The following GMDS variants were observed in gnomAD, a reference collection of about 807,000 sequenced individuals.
GMDS encodes the protein GDP-mannose 4,6 dehydratase.
In GMDS, 20 loss-of-function variants were observed where a neutral mutation model predicts 49.9. The observed-to-expected ratio is 0.40, with a 90% CI of 0.28 to 0.58. GMDS has a LOEUF of 0.58. Ranked by LOEUF, GMDS falls within the 20% of genes least tolerant of loss-of-function variation. GMDS has a pLI of 0.42. For synonymous variants in GMDS, 177 were observed against 178.6 expected (o/e 0.99, Z 0.07); for missense variants, 362 against 481.4 (o/e 0.75, Z 2.32).
rs376068121 is a variant in GMDS at position 2,076,147 on chromosome 6, T to C, written c.345+39624A>G. The stretch of plus-strand genomic sequence containing the variant: ...GTCTGAGTTCTTTGTAGATTCTGGA[T>C]ATTAGCCCTTTGTCAGATGCGTAGA... On this transcript the variant is annotated intron_variant, in intron 4 of 10. Coordinates refer to ENST00000380815, the MANE Select transcript of GMDS (RefSeq NM_001500.4). Among the ~76,000 whole-genome samples the C allele has an allele frequency of 3.0e-4, 45 of 152,344 alleles. 1 individual carries two copies. In the South Asian group the frequency reaches 7.7e-3, roughly 26 times the overall value.
At chr6:2,173,580 T>A (rs1778126442) in intron 1 of GMDS, among the ~76,000 whole-genome samples, 1 of 152,232 alleles carries the variant, frequency 6.6e-6, no homozygotes, top group Non-Finnish European at 1.5e-5. Context: ...TGAGTGGGCA[T>A]AAATTGAAGT....
intron 9 of GMDS, among the ~76,000 whole-genome samples, chr6:1,680,392 G>T (rs1456749412): frequency 6.6e-6 from 1 of 152,180 alleles, no homozygotes; most frequent in Non-Finnish European, 1.5e-5. Context: ...ACCCCTATCA[G>T]AATTTAAATG....
intron 1 of GMDS, among the ~76,000 whole-genome samples, chr6:2,204,341 A>AGTAGTAATTTCT (rs1779689157): frequency 6.6e-6 from 1 of 152,194 alleles, no homozygotes. Context: ...GCAACAATTA[A>AGTAGTAATTTCT]ATAGCAATGA....
At position 2,065,208 on chromosome 6, in the gene GMDS, G is replaced by C. The variant is rs571056893; in HGVS notation, c.345+50563C>G. On this transcript the variant is annotated intron_variant, in intron 4 of 10. Transcript: ENST00000380815. The stretch of plus-strand genomic sequence containing the variant: ...GGTACTCCAACAGACCTGCAGCTGA[G>C]GGTCCTGTCTGTTAGAGGGAAAACT... Among the ~76,000 whole-genome samples, 64 of 152,234 alleles carry C rather than the reference G, an allele frequency of 4.2e-4. No homozygotes were observed. In the South Asian group the frequency reaches 0.012, roughly 30 times the overall value.
intron 4 of GMDS, among the ~76,000 whole-genome samples, chr6:2,100,486 CAACT>C (rs1204053965): frequency 2.0e-5 from 3 of 151,930 alleles, no homozygotes; most frequent in Non-Finnish European, 4.4e-5. Flanking sequence ...TATATGCAAC[CAACT>C]ATTTTATTTT....
chr6:1,789,670 G>A (rs904934471), intron 7 of GMDS, among the ~76,000 whole-genome samples: 1 of 148,518 alleles, frequency 6.7e-6, no homozygotes, highest in Non-Finnish European at 1.5e-5. Context: ...CTAGTAGCTG[G>A]GACTACAGGT....
chr6:1,707,008 C>A (rs1365463127), intron 9 of GMDS, among the ~76,000 whole-genome samples: 1 of 152,184 alleles, frequency 6.6e-6, no homozygotes, highest in Non-Finnish European at 1.5e-5. Flanking sequence ...TGGTTCCTAA[C>A]TTATAGCCTT....
chr6:1,673,169 T>C (rs1764481528), intron 9 of GMDS, among the ~76,000 whole-genome samples: 1 of 152,192 alleles, frequency 6.6e-6, no homozygotes, highest in Non-Finnish European at 1.5e-5. Flanking sequence ...CTCTGTTTTC[T>C]AGTATCTCAG....
In GMDS at chr6:2,209,155, T is replaced by C. The variant is rs570131339; in HGVS notation, c.102+36166A>G. 6.9e-4 allele frequency among the ~76,000 whole-genome samples: 105 copies of C among 152,308 alleles called. 2 individuals are homozygous for C. Among genetic ancestry groups the C allele is most frequent in the African/African-American group, 2.5e-3 (102 of 41,572 alleles). On this transcript the variant is annotated intron_variant, in intron 1 of 10. Transcript: ENST00000380815. ...ATAATCAGACTTCTTATAACATCTT[T>C]TGAGATTACTTCCTAACTATTCTGG...
intron 7 of GMDS, among the ~76,000 whole-genome samples, chr6:1,821,620 T>TG (rs1484746965): frequency 2.5e-5 from 1 of 40,400 alleles, no homozygotes; most frequent in Non-Finnish European, 5.7e-5. Flanking sequence ...TGTTTTTTTT[T>TG]TTTTTTTTTT....
chr6:2,177,199 G>A (rs1032438373), intron 1 of GMDS, among the ~76,000 whole-genome samples: 2 of 152,128 alleles, frequency 1.3e-5, no homozygotes, highest in African/African-American at 2.4e-5. Flanking sequence ...CCTAAGGGCA[G>A]ACTTAATCTC....
At chr6:1,713,112 C>T (rs1375230791) in intron 9 of GMDS, among the ~76,000 whole-genome samples, 1 of 152,202 alleles carries the variant, frequency 6.6e-6, no homozygotes, top group East Asian at 1.9e-4. Context: ...GTGGTAGATC[C>T]ATAGTGGCCA....
At chr6:2,092,424 G>C (rs564634448) in intron 4 of GMDS, among the ~76,000 whole-genome samples, 1 of 152,078 alleles carries the variant, frequency 6.6e-6, no homozygotes, top group East Asian at 1.9e-4. Context: ...CCTCATCCCA[G>C]CTTATGCAGC....
At chr6:1,771,258 T>C (rs1385724719) in intron 7 of GMDS, among the ~76,000 whole-genome samples, 1 of 152,168 alleles carries the variant, frequency 6.6e-6, no homozygotes, top group East Asian at 1.9e-4. Context: ...ATGGCTGTGC[T>C]GGGGGTTTCT....
intron 4 of GMDS, among the ~76,000 whole-genome samples, chr6:2,088,307 T>C (rs529660104): frequency 6.6e-6 from 1 of 152,270 alleles, no homozygotes; most frequent in East Asian, 1.9e-4. Flanking sequence ...AGTGATTCGT[T>C]TGCAAAAAGA....
At chr6:1,730,300 G>C (rs959806838) in intron 8 of GMDS, among the ~76,000 whole-genome samples, 1 of 152,224 alleles carries the variant, frequency 6.6e-6, no homozygotes, top group African/African-American at 2.4e-5. Context: ...AAGAGGGCAG[G>C]AAAGAGATGT....
intron 7 of GMDS, among the ~76,000 whole-genome samples, chr6:1,830,511 G>A (rs1448565944): frequency 6.6e-6 from 1 of 152,184 alleles, no homozygotes; most frequent in Non-Finnish European, 1.5e-5. Flanking sequence ...ATATAGTACA[G>A]GGGTTCAATG....
chr6:1,806,511 C>T (rs894605356), intron 7 of GMDS, among the ~76,000 whole-genome samples: 1 of 151,870 alleles, frequency 6.6e-6, no homozygotes, highest in Non-Finnish European at 1.5e-5. Flanking sequence ...TAATGAGACC[C>T]GAGTCTGTAG....
At chr6:2,131,462 C>T (rs778035548) in intron 1 of GMDS, among the ~76,000 whole-genome samples, 24 of 152,162 alleles carry the variant, frequency 1.6e-4, no homozygotes, top group Non-Finnish European at 2.4e-4. Flanking sequence ...CCCCAACTTA[C>T]GATGGATCCA....
Sources: gnomAD v4.1 joint callset for allele counts (sites outside exome capture counted in the v4.1 genomes callset) on GRCh38, gnomAD v4.1.1 for gene constraint, MANE v1.5 for transcripts, NCBI Gene and HGNC (gene_info 2026-07-23, HGNC 2026-07-21) for gene names.